The following CEP126 variants were observed in gnomAD, a reference collection of about 807,000 sequenced individuals.
CEP126 encodes centrosomal protein 126.
A neutral mutation model predicts 107.8 loss-of-function variants in CEP126; 74 were observed. That is an observed-to-expected ratio of 0.69 (90% CI 0.57 to 0.83). The LOEUF (loss-of-function observed/expected upper bound fraction) is 0.83. Ranked by LOEUF, CEP126 falls within the 40% of genes least tolerant of loss-of-function variation. The pLI is 0.00. For synonymous variants in CEP126, 449 were observed against 446.0 expected (o/e 1.01, Z -0.08); for missense variants, 1,237 against 1,281.9 (o/e 0.96, Z 0.53).
intron 4 of CEP126, among the ~76,000 whole-genome samples, chr11:101,948,549 G>A (rs1940770092): frequency 6.6e-6 from 1 of 152,080 alleles, no homozygotes; most frequent in Non-Finnish European, 1.5e-5. Flanking sequence ...AATCTCTCCT[G>A]GATGTCTTGA....
At chr11:101,942,228 T>G (rs1940675312) in intron 2 of CEP126, among the ~76,000 whole-genome samples, 1 of 152,176 alleles carries the variant, frequency 6.6e-6, no homozygotes. Flanking sequence ...AAGCTTTTTC[T>G]GTATGTTCTC....
At chr11:101,945,545 G>A (rs1028673041) in intron 3 of CEP126, among the ~76,000 whole-genome samples, 8 of 152,120 alleles carry the variant, frequency 5.3e-5, no homozygotes, top group Non-Finnish European at 1.0e-4. Flanking sequence ...GTAAAACTGC[G>A]CTAAATAACA....
intron 6 of CEP126, among the ~76,000 whole-genome samples, chr11:101,971,743 T>C (rs1429771299): frequency 6.6e-6 from 1 of 152,100 alleles, no homozygotes; most frequent in Non-Finnish European, 1.5e-5. Context: ...AGAATGTATG[T>C]GACATATAAG....
chr11:101,939,330 C>G (rs1327764034), intron 2 of CEP126, among the ~76,000 whole-genome samples: 1 of 152,056 alleles, frequency 6.6e-6, no homozygotes, highest in Admixed American at 6.5e-5. Flanking sequence ...GAAATGTTGT[C>G]TTTTACCTCT....
At chr11:101,961,289 C>A (rs1353476165) in intron 5 of CEP126, among the ~76,000 whole-genome samples, 1 of 152,000 alleles carries the variant, frequency 6.6e-6, no homozygotes, top group African/African-American at 2.4e-5. Flanking sequence ...AAAGATGTAG[C>A]CCCTACTAAC....
At chr11:101,932,508 A>G (rs1266003239) in intron 2 of CEP126, among the ~76,000 whole-genome samples, 3 of 152,200 alleles carry the variant, frequency 2.0e-5, no homozygotes, top group Non-Finnish European at 4.4e-5. Flanking sequence ...CAAGAAAAAT[A>G]CCACCTCTTA....
chr11:101,991,158 C>T lies in CEP126; in HGVS notation c.3245-1620C>T, dbSNP rs150539980. On this transcript the variant is annotated intron_variant, in intron 9 of 10. Transcript: ENST00000263468. Reference sequence around the variant, plus strand: ...TAACACTGCACTCCTCCTTGGGCAACGGAGGGAGACCCTGTCTCAAAATAA... The same window carrying T: ...TAACACTGCACTCCTCCTTGGGCAATGGAGGGAGACCCTGTCTCAAAATAA... 2.5e-3 allele frequency among the ~76,000 whole-genome samples: 385 copies of T among 152,122 alleles called. 2 individuals carry two copies. The highest frequency in any genetic ancestry group is 8.8e-3 in the African/African-American group (365 of 41,488).
chr11:101,977,996 G>A (rs941100750), intron 6 of CEP126, among the ~76,000 whole-genome samples: 1 of 152,152 alleles, frequency 6.6e-6, no homozygotes, highest in African/African-American at 2.4e-5. Flanking sequence ...TATATTACAT[G>A]AGTAAAATTT....
rs1316253013 is a variant in CEP126 at position 101,992,772 on chromosome 11, T to C, written c.3245-6T>C. 2 of 1,401,588 alleles carry C rather than the reference T, an allele frequency of 1.4e-6. No homozygotes were observed. Among genetic ancestry groups the C allele is most frequent in the African/African-American group, 1.5e-5 (1 of 67,976 alleles). 86.8% of individuals were successfully genotyped at this position (1,401,588 alleles called of 1,614,324 possible). A position where few individuals can be genotyped will look rare whatever the true frequency, so the allele number is the denominator to read the frequency against. The stretch of plus-strand genomic sequence containing the variant: ...TTATTTTGGTATTGTGATATAATTA[T>C]TTCAGATATACAAGAATCCATTTGC... On this transcript the variant is annotated splice_polypyrimidine_tract_variant and splice_region_variant and intron_variant, in intron 9 of 10. Coordinates refer to ENST00000263468, the MANE Select transcript of CEP126 (RefSeq NM_020802.4).
chr11:101,926,389 G>A (rs1940411942), intron 2 of CEP126, among the ~76,000 whole-genome samples: 1 of 152,190 alleles, frequency 6.6e-6, no homozygotes, highest in South Asian at 2.1e-4. Flanking sequence ...CTGATGCATG[G>A]GAATATGTGG....
At chr11:101,942,151 T>C (rs1256486019) in intron 2 of CEP126, among the ~76,000 whole-genome samples, 4 of 152,120 alleles carry the variant, frequency 2.6e-5, no homozygotes, top group Admixed American at 1.3e-4. Flanking sequence ...GTTCAACTTA[T>C]CTATTTTTGC....
chr11:101,938,110 G>A (rs1420590720), intron 2 of CEP126, among the ~76,000 whole-genome samples: 5 of 134,058 alleles, frequency 3.7e-5, no homozygotes, highest in African/African-American at 1.1e-4. Context: ...CCGAGATTGC[G>A]CCACTGCAGT....
chr11:101,934,910 T>G (rs917573435), intron 2 of CEP126, among the ~76,000 whole-genome samples: 3 of 152,064 alleles, frequency 2.0e-5, no homozygotes, highest in Non-Finnish European at 4.4e-5. Context: ...TTGTTCTGAG[T>G]AAACTAAAAG....
chr11:101,950,274 G>GT (rs1940793520), intron 4 of CEP126, among the ~76,000 whole-genome samples: 1 of 152,182 alleles, frequency 6.6e-6, no homozygotes, highest in African/African-American at 2.4e-5. Context: ...TAGTTTGACT[G>GT]TGAAAGTTAG....
At chr11:101,929,300 C>T (rs995976753) in intron 2 of CEP126, among the ~76,000 whole-genome samples, 3 of 152,214 alleles carry the variant, frequency 2.0e-5, no homozygotes, top group South Asian at 2.1e-4. Context: ...GAAACCCAAA[C>T]ATTTTCATAC....
intron 9 of CEP126, among the ~76,000 whole-genome samples, chr11:101,992,164 A>T (rs962783934): frequency 1.6e-5 from 2 of 127,674 alleles, no homozygotes; most frequent in Non-Finnish European, 3.6e-5. Flanking sequence ...AAAAAAAAAT[A>T]AAAAGCAGGG....
intron 6 of CEP126, among the ~76,000 whole-genome samples, chr11:101,966,623 T>C (rs933618423): frequency 6.6e-6 from 1 of 152,202 alleles, no homozygotes; most frequent in Non-Finnish European, 1.5e-5. Context: ...TCATATTGGA[T>C]AGTTCAGCTT....
intron 10 of CEP126, among the ~76,000 whole-genome samples, chr11:101,996,423 A>G (rs78166772): frequency 0.013 from 2,001 of 152,220 alleles, 45 homozygotes; most frequent in African/African-American, 0.046. Context: ...CTTGCCCCAT[A>G]TACTCTGATC....
intron 7 of CEP126, among the ~76,000 whole-genome samples, chr11:101,980,869 C>G (rs994880950): frequency 3.9e-5 from 6 of 152,228 alleles, no homozygotes; most frequent in Non-Finnish European, 8.8e-5. Flanking sequence ...TCAAACAAGA[C>G]TATGAGATCT....
Sources: allele counts gnomAD v4.1 joint callset (sites outside exome capture counted in the v4.1 genomes callset), GRCh38; gene constraint gnomAD v4.1.1; transcripts MANE v1.5; gene names NCBI Gene and HGNC (gene_info 2026-07-23, HGNC 2026-07-21).